SCAPER: variants seen among roughly 807,000 people sequenced by gnomAD.
SCAPER encodes the protein S-phase cyclin A associated protein in the ER.
Under a neutral mutation model 182.2 loss-of-function variants are expected in SCAPER, and 98 were observed. The observed-to-expected ratio is 0.54, with a 90% CI of 0.46 to 0.64. The LOEUF (loss-of-function observed/expected upper bound fraction) is 0.64. SCAPER is among the 30% of genes least tolerant of loss of function. SCAPER has a pLI of 0.00. For missense variants in SCAPER, 1,432 were observed against 1,690.0 expected (o/e 0.85, Z 2.68); for synonymous variants, 605 against 564.6 (o/e 1.07, Z -1.01).
At chr15:76,772,333 A>G (rs2063518622) in intron 9 of SCAPER, among the ~76,000 whole-genome samples, 1 of 152,066 alleles carries the variant, frequency 6.6e-6, no homozygotes, top group Non-Finnish European at 1.5e-5. Context: ...AAAAGTATTT[A>G]CATGGTCTTT....
chr15:76,824,033 T>C (rs978788458), intron 5 of SCAPER, among the ~76,000 whole-genome samples: 2 of 152,134 alleles, frequency 1.3e-5, no homozygotes, highest in Admixed American at 1.3e-4. Context: ...TTTAACTCAA[T>C]GTTATCAAAA....
chr15:76,406,327 A>G (rs2044827195), intron 26 of SCAPER, among the ~76,000 whole-genome samples: 1 of 151,896 alleles, frequency 6.6e-6, no homozygotes, highest in Admixed American at 6.6e-5. Flanking sequence ...AAAATACAAA[A>G]ATTAGCCAGG....
At position 76,666,144 on chromosome 15, in the gene SCAPER, G is replaced by A. The variant is rs568567219; in HGVS notation, c.2509-355C>T. Among the ~76,000 whole-genome samples the A allele has an allele frequency of 1.4e-4, 21 of 152,272 alleles. 1 individual carries two copies. The highest frequency in any genetic ancestry group is 4.8e-4 in the African/African-American group (20 of 41,562). On this transcript the variant is annotated intron_variant, in intron 20 of 31. Transcript: ENST00000563290. ...AGATTTAGAGTGCCGTTAAGAACCC[G>A]AAGAGGGAAACAAGATCACTGTTCA...
At chr15:76,706,299 A>G (rs1036634777) in intron 17 of SCAPER, among the ~76,000 whole-genome samples, 2 of 152,160 alleles carry the variant, frequency 1.3e-5, no homozygotes, top group African/African-American at 4.8e-5. Flanking sequence ...CAATTAAACC[A>G]TTAAAAGGAA....
chr15:76,847,643 G>A (rs1348585175), intron 4 of SCAPER, among the ~76,000 whole-genome samples: 3 of 152,132 alleles, frequency 2.0e-5, no homozygotes, highest in East Asian at 1.9e-4. Flanking sequence ...TTCCTCAGCC[G>A]AGTGCAGTGG....
chr15:76,736,371 GACA>G (rs1315338987), intron 15 of SCAPER, among the ~76,000 whole-genome samples: 2 of 152,140 alleles, frequency 1.3e-5, no homozygotes, highest in East Asian at 3.9e-4. Context: ...CTTAAAATAG[GACA>G]ACAACGAAGT....
chr15:76,373,993 TC>T (rs2042366414), intron 29 of SCAPER, among the ~76,000 whole-genome samples: 1 of 151,616 alleles, frequency 6.6e-6, no homozygotes, highest in African/African-American at 2.4e-5. Flanking sequence ...ACCACAACCA[TC>T]TCTTTTATTC....
chr15:76,661,415 T>G (rs2056153289), intron 21 of SCAPER, among the ~76,000 whole-genome samples: 1 of 151,870 alleles, frequency 6.6e-6, no homozygotes, highest in Non-Finnish European at 1.5e-5. Flanking sequence ...GGAGAAAAAT[T>G]TTTCAATCTA....
At position 76,408,855 on chromosome 15, in the gene SCAPER, T is replaced by C. The variant is rs184318809; in HGVS notation, c.3312-4176A>G. Among the ~76,000 whole-genome samples the C allele has an allele frequency of 3.6e-3, 543 of 152,222 alleles. 2 individuals are homozygous for C. Among genetic ancestry groups the C allele is most frequent in the South Asian group, 6.6e-3 (32 of 4,818 alleles). On this transcript the variant is annotated intron_variant, in intron 26 of 31. Transcript: ENST00000563290. ...CACACAAAACTTCAAAACCATGTAG[T>C]CTCAAGATGAAAATGGCTTAGCTAG...
intron 6 of SCAPER, among the ~76,000 whole-genome samples, chr15:76,801,434 T>G (rs2065782813): frequency 6.6e-6 from 1 of 152,212 alleles, no homozygotes; most frequent in Admixed American, 6.5e-5. Flanking sequence ...TTACCTATAT[T>G]TTCTTCTTTA....
In SCAPER at chr15:76,562,616, T is replaced by C. The variant is rs75877293; in HGVS notation, c.2838+11542A>G. ...AAGTAGCAAAAATCAAAATGTCTGA[T>C]AATAACAAGCGCTGGAAAGAAAGGA... is the stretch of plus-strand genomic sequence containing the variant. On this transcript the variant is annotated intron_variant, in intron 23 of 31. Coordinates refer to ENST00000563290, the MANE Select transcript of SCAPER (RefSeq NM_020843.4). Among the ~76,000 whole-genome samples the C allele has an allele frequency of 3.6e-3, 548 of 152,294 alleles. 2 individuals are homozygous for C. The highest frequency in any genetic ancestry group is 0.013 in the African/African-American group (526 of 41,566).
rs1481612155 is a variant in SCAPER, at chr15:76,458,870, T to A, written c.3078+12342A>T. On this transcript the variant is annotated intron_variant, in intron 25 of 31. Coordinates refer to ENST00000563290, the MANE Select transcript of SCAPER (RefSeq NM_020843.4). ...CCTCTAATAATAACTAACTTTCTAC[T>A]CTCTATCTCCATACGATCAACTTAT... 3.3e-5 allele frequency among the ~76,000 whole-genome samples: 5 copies of A among 152,204 alleles called. No individual in the cohort carries two copies. In the East Asian group the frequency reaches 7.7e-4, roughly 24 times the overall value.
At chr15:76,649,662 G>GA (rs2054853243) in intron 21 of SCAPER, among the ~76,000 whole-genome samples, 1 of 147,384 alleles carries the variant, frequency 6.8e-6, no homozygotes, top group Non-Finnish European at 1.5e-5. Context: ...AGAAAAAAAG[G>GA]AATGTGTGTT....
At chr15:76,790,646 C>T (rs2064942888) in intron 8 of SCAPER, among the ~76,000 whole-genome samples, 1 of 152,034 alleles carries the variant, frequency 6.6e-6, no homozygotes, top group African/African-American at 2.4e-5. Context: ...CTATTTGATT[C>T]CTGCTATTAC....
intron 1 of SCAPER, among the ~76,000 whole-genome samples, chr15:76,892,583 C>A (rs1256647596): frequency 6.6e-6 from 1 of 152,210 alleles, no homozygotes; most frequent in Non-Finnish European, 1.5e-5. Context: ...CTCACCATCA[C>A]TGGCCATCAG....
At chr15:76,397,002 TGA>T (rs1022403053) in intron 27 of SCAPER, among the ~76,000 whole-genome samples, 5 of 148,560 alleles carry the variant, frequency 3.4e-5, no homozygotes, top group South Asian at 2.1e-4. Context: ...CCCAATTTTT[TGA>T]GAGTTTTTTT....
At chr15:76,614,796 T>G (rs1221463866) in intron 22 of SCAPER, among the ~76,000 whole-genome samples, 1 of 152,170 alleles carries the variant, frequency 6.6e-6, no homozygotes, top group African/African-American at 2.4e-5. Flanking sequence ...AAACAGAATT[T>G]TTTAAAATAG....
intron 21 of SCAPER, among the ~76,000 whole-genome samples, chr15:76,660,211 A>G: frequency 6.6e-6 from 1 of 152,132 alleles, no homozygotes; most frequent in Non-Finnish European, 1.5e-5. Flanking sequence ...ACAAAGAAGG[A>G]AACATCAGAC....
At position 76,537,599 on chromosome 15, in the gene SCAPER, T is replaced by C. The variant is rs533762364; in HGVS notation, c.2839-32625A>G. ...GGATTAAAGACTTAAAGGTTAGACC[T>C]AAAACCATAAAAACCCTAGAAGAAA... On this transcript the variant is annotated intron_variant, in intron 23 of 31. Transcript: ENST00000563290. Among the ~76,000 whole-genome samples, 357 of 152,150 alleles carry C rather than the reference T, an allele frequency of 2.3e-3. 2 individuals carry two copies. The highest frequency in any genetic ancestry group is 8.2e-3 in the African/African-American group (339 of 41,542).
Sources: allele counts gnomAD v4.1 joint callset (sites outside exome capture counted in the v4.1 genomes callset), GRCh38; gene constraint gnomAD v4.1.1; transcripts MANE v1.5; gene names NCBI Gene and HGNC (gene_info 2026-07-23, HGNC 2026-07-21).